INSR: variants seen among roughly 807,000 people sequenced by gnomAD.
The protein encoded by INSR is insulin receptor, also known as IR.
Under a neutral mutation model 142.6 loss-of-function variants are expected in INSR, and 67 were observed. The ratio of observed to expected loss-of-function variants is 0.47; its 90% CI spans 0.39 to 0.58. INSR has a LOEUF of 0.58. INSR is among the 20% of genes least tolerant of loss of function. The pLI, the probability that INSR is intolerant of heterozygous loss-of-function variation, is 0.00. For missense variants in INSR, 1,248 were observed against 1,833.2 expected, an observed-to-expected ratio of 0.68 and a Z score of 5.83; for synonymous variants, 756 against 743.1, an observed-to-expected ratio of 1.02 and a Z score of -0.28.
intron 10 of INSR, chr19:7,152,274 C>T (rs1973385561): frequency 7.4e-6 from 2 of 268,936 alleles, no homozygotes; most frequent in South Asian, 7.4e-5. Flanking sequence ...ACCTGTAGTC[C>T]CAGCTACTTG....
At chr19:7,261,876 G>C (rs978625298) in intron 2 of INSR, among the ~76,000 whole-genome samples, 5 of 152,156 alleles carry the variant, frequency 3.3e-5, no homozygotes, top group African/African-American at 9.6e-5. Flanking sequence ...TGTAAAAAGT[G>C]CTTAAGGGAC....
At chr19:7,249,815 A>AC (rs371022069) in intron 2 of INSR, among the ~76,000 whole-genome samples, 3 of 152,096 alleles carry the variant, frequency 2.0e-5, no homozygotes, top group Non-Finnish European at 4.4e-5. Flanking sequence ...ACAGGGTGAA[A>AC]CCCCGTCTCT....
rs1385949778 is a variant in INSR, at chr19:7,225,366, T to A, written c.653-40729A>T. ...CACTTTCTCCAGATCAGCTTAGGGG[T>A]GCTTGAGTGCCTGACCCGCCACCCC... is the stretch of plus-strand genomic sequence containing the variant. On this transcript the variant is annotated intron_variant, in intron 2 of 21. Coordinates refer to ENST00000302850, the MANE Select transcript of INSR (RefSeq NM_000208.4). The surrounding 1 kb of genome is among the most constrained non-coding windows in gnomAD (Gnocchi z 4.7). Among the ~76,000 whole-genome samples the A allele has an allele frequency of 1.3e-5, 2 of 152,032 alleles. No individual in the cohort carries two copies. The highest frequency in any genetic ancestry group is 4.8e-5 in the African/African-American group (2 of 41,390).
chr19:7,201,762 A>G lies in INSR; in HGVS notation c.653-17125T>C, dbSNP rs954693519. On this transcript the variant is annotated intron_variant, in intron 2 of 21. Coordinates refer to ENST00000302850, the MANE Select transcript of INSR (RefSeq NM_000208.4). ...ACGGCAAGCTCCCCCTCCCGGGTTC[A>G]CGCCATTCCCCTGCCTCAGCCTCCC... Among the ~76,000 whole-genome samples the G allele has an allele frequency of 8.6e-5, 12 of 139,592 alleles. No homozygotes were observed. In the South Asian group the frequency reaches 1.7e-3, roughly 20 times the overall value. The allele number at this position is 139,592 out of a possible 152,430, so 91.6% of individuals were successfully genotyped here.
At chr19:7,122,210 G>A (rs923019302) in intron 19 of INSR, among the ~76,000 whole-genome samples, 25 of 151,316 alleles carry the variant, frequency 1.7e-4, no homozygotes, top group African/African-American at 4.6e-4. Flanking sequence ...TTGGGAGGCC[G>A]AGGCAGGAGG....
Position 7,152,766 on chromosome 19 carries a change from T to A in INSR, c.2191A>T (p.Thr731Ser), listed in dbSNP as rs1403133451. Residue 731 changes from threonine to serine, a missense_variant, in exon 10 of 22, where the codon ACG (threonine) becomes TCG (serine). Around this residue, in one of 3 missense-constraint regions of INSR, gnomAD observed 1,069 missense variants for 1,654.0 expected, o/e 0.65. Coordinates refer to ENST00000302850, the MANE Select transcript of INSR (RefSeq NM_000208.4). ...KELEESSFRKTFEDYLHNVVF... is the reference protein window; with the variant it reads ...KELEESSFRKSFEDYLHNVVF... Reference sequence around the variant, plus strand: ...ACGTTGTGCAGGTAATCCTCAAACGTCTTCCTAAACGAGGACTCCTCCAGC... The same window carrying A: ...ACGTTGTGCAGGTAATCCTCAAACGACTTCCTAAACGAGGACTCCTCCAGC... The A allele has an allele frequency of 1.2e-6, 2 of 1,613,164 alleles. No individual in the cohort carries two copies. Among genetic ancestry groups the A allele is most frequent in the Non-Finnish European group, 1.7e-6 (2 of 1,179,932 alleles).
chr19:7,150,867 T>A lies in INSR; in HGVS notation c.2232-335A>T, dbSNP rs1458670476. Among the ~76,000 whole-genome samples, 3 of 152,060 alleles carry A rather than the reference T, an allele frequency of 2.0e-5. No individual in the cohort carries two copies. The highest frequency in any genetic ancestry group is 4.4e-5 in the Non-Finnish European group (3 of 67,998). On this transcript the variant is annotated intron_variant, in intron 10 of 21. Transcript: ENST00000302850. The surrounding 1 kb of genome is among the most constrained non-coding windows in gnomAD (Gnocchi z 4.2). ...AGAATTTTTCTTTTCTTTCCCTTCT[T>A]TCTTCTTTCTCTCTCTCTTTCTGGT...
intron 9 of INSR, among the ~76,000 whole-genome samples, chr19:7,153,138 A>C (rs1167153032): frequency 2.1e-5 from 3 of 143,634 alleles, no homozygotes; most frequent in African/African-American, 5.4e-5. Context: ...ACCACACACC[A>C]CACACACCAC....
intron 13 of INSR, among the ~76,000 whole-genome samples, chr19:7,137,620 T>C (rs1972964826): frequency 6.6e-6 from 1 of 151,786 alleles, no homozygotes; most frequent in South Asian, 2.1e-4. Context: ...AAACCTCGTC[T>C]CCATTAAAAA....
chr19:7,186,291 C>T (rs1974429219), intron 2 of INSR, among the ~76,000 whole-genome samples: 1 of 152,064 alleles, frequency 6.6e-6, no homozygotes, highest in Non-Finnish European at 1.5e-5. Flanking sequence ...ACAGTGGATC[C>T]CACCGGCCAA....
At chr19:7,224,828 G>A (rs888636586) in intron 2 of INSR, among the ~76,000 whole-genome samples, 5 of 152,008 alleles carry the variant, frequency 3.3e-5, no homozygotes, top group East Asian at 1.9e-4. Context: ...CAGAGACCTA[G>A]GGCTGTAAGG....
At chr19:7,183,263 G>GGTGTGTGT (rs71177167) in intron 3 of INSR, among the ~76,000 whole-genome samples, 6,840 of 146,510 alleles carry the variant, frequency 0.047, 194 homozygotes, top group Middle Eastern at 0.092. Flanking sequence ...GTTGTTTTGT[G>GGTGTGTGT]GTGTGTGTGT....
chr19:7,186,704 T>C (rs938532589), intron 2 of INSR, among the ~76,000 whole-genome samples: 1 of 152,146 alleles, frequency 6.6e-6, no homozygotes, highest in African/African-American at 2.4e-5. Flanking sequence ...TCTTTTCTTT[T>C]TTTTTATTTT....
Position 7,294,374 on chromosome 19 carries a change from C to A in INSR, c.-483G>T, listed in dbSNP as rs1277987680. 6.6e-6 allele frequency among the ~76,000 whole-genome samples: 1 copy of A among 151,688 alleles called. No individual in the cohort carries two copies. The highest frequency in any genetic ancestry group is 1.5e-5 in the Non-Finnish European group (1 of 67,826). ...GCCCGTAAACAACGCGGCCCGTCAGCTGGGCCCCGTGCGGGCCGCGGGAAA... is the reference window on the plus strand; with the variant it reads ...GCCCGTAAACAACGCGGCCCGTCAGATGGGCCCCGTGCGGGCCGCGGGAAA... On this transcript the variant is annotated 5_prime_UTR_variant, in exon 1 of 22. Transcript: ENST00000302850.
rs113829911 is a variant in INSR at position 7,197,577 on chromosome 19, GGT to G, written c.653-12942_653-12941del. On this transcript the variant is annotated intron_variant, in intron 2 of 21. Coordinates refer to ENST00000302850, the MANE Select transcript of INSR (RefSeq NM_000208.4). ...TCCAGAGTGGGAGTGTGTGTGTTTG[GGT>G]GTGTGTGTGTGTGTGTGTGTCAGAT... 2.1e-3 allele frequency among the ~76,000 whole-genome samples: 116 copies of G among 56,010 alleles called. 13 individuals carry two copies. Among genetic ancestry groups the G allele is most frequent in the African/African-American group, 2.9e-3 (41 of 14,190 alleles). 36.7% of individuals were successfully genotyped at this position (56,010 alleles called of 152,430 possible).
At chr19:7,136,322 A>G (rs1972925450) in intron 13 of INSR, among the ~76,000 whole-genome samples, 1 of 152,092 alleles carries the variant, frequency 6.6e-6, no homozygotes, top group Non-Finnish European at 1.5e-5. Context: ...AGAGTGAACA[A>G]TGCCCGTTTC....
At chr19:7,222,027 G>GGA (rs1975636990) in intron 2 of INSR, among the ~76,000 whole-genome samples, 1 of 86,550 alleles carries the variant, frequency 1.2e-5, no homozygotes, top group African/African-American at 5.3e-5. Context: ...GATCCTCCTA[G>GGA]CAATTTTTTC....
At chr19:7,287,755 C>T (rs146802448) in intron 1 of INSR, among the ~76,000 whole-genome samples, 4 of 152,128 alleles carry the variant, frequency 2.6e-5, no homozygotes, top group African/African-American at 4.8e-5. Context: ...TCACTTCATT[C>T]GAGTTGTACC....
chr19:7,143,132 C>A, intron 11 of INSR, 42 bp from the exon 12 acceptor site: 1 of 1,607,848 alleles, frequency 6.2e-7, no homozygotes, highest in Non-Finnish European at 8.5e-7. Context: ...CCATCACCAT[C>A]ATTTTTTTTA....
Sources: gnomAD v4.1 joint callset for allele counts (sites outside exome capture counted in the v4.1 genomes callset) on GRCh38, gnomAD v4.1.1 for gene constraint, gnomAD v4.1.1 regional missense constraint, Gnocchi (gnomAD v3.1) non-coding constraint, MANE v1.5 for transcripts, NCBI Gene and HGNC (gene_info 2026-07-23, HGNC 2026-07-21) for gene names.